The following TGS1 variants were observed in gnomAD, a reference collection of about 807,000 sequenced individuals.
The protein encoded by TGS1 is trimethylguanosine synthase 1.
Under a neutral mutation model 92.2 loss-of-function variants are expected in TGS1, and 69 were observed. The observed-to-expected ratio is 0.75, with a 90% CI of 0.62 to 0.91. The LOEUF is 0.91. Ranked by LOEUF, TGS1 falls within the 40% of genes least tolerant of loss-of-function variation. The probability of loss-of-function intolerance (pLI) is 0.00; values close to 1 mark genes in which losing one functional copy is unlikely to be tolerated. For synonymous variants in TGS1, 345 were observed against 338.1 expected, an observed-to-expected ratio of 1.02 and a Z score of -0.22; for missense variants, 1,062 against 1,001.2, an observed-to-expected ratio of 1.06 and a Z score of -0.82.
At chr8:55,810,840 T>A (rs1255012928) in intron 10 of TGS1, 41 bp from the exon 11 acceptor site, 3 of 1,459,626 alleles carry the variant, frequency 2.1e-6, no homozygotes, top group Admixed American at 1.7e-5. Flanking sequence ...TAAGTAATAA[T>A]CAGTGTCAAT....
At chr8:55,816,884 A>G (rs533040556) in intron 12 of TGS1, among the ~76,000 whole-genome samples, 154 of 150,758 alleles carry the variant, frequency 1.0e-3, no homozygotes, top group Middle Eastern at 3.4e-3. Flanking sequence ...TTTTTGAGAC[A>G]GAGTCTTGCT....
intron 12 of TGS1, among the ~76,000 whole-genome samples, chr8:55,814,375 TTC>T (rs972557810): frequency 6.6e-6 from 1 of 152,096 alleles, no homozygotes; most frequent in African/African-American, 2.4e-5. Flanking sequence ...AGAGTTGAGA[TTC>T]TCTGGGTTAA....
chr8:55,802,557 GAGGTAC>G lies in TGS1; in HGVS notation c.1954_1959del (p.Tyr652_Arg653del). 6.2e-7 allele frequency: 1 copy of G among 1,614,162 alleles called. No individual in the cohort carries two copies. Among genetic ancestry groups the G allele is most frequent in the Non-Finnish European group, 8.5e-7 (1 of 1,180,026 alleles). ...CTGAGCTGGCAAAATACTGGGCCCA[GAGGTAC>G]AGGCTCTTCTCCCGTTTTGATGATG... On this transcript the variant is annotated inframe_deletion, in exon 9 of 13. Coordinates refer to ENST00000260129, the MANE Select transcript of TGS1 (RefSeq NM_024831.8).
intron 4 of TGS1, among the ~76,000 whole-genome samples, chr8:55,789,798 CT>C (rs1314523369): frequency 6.6e-6 from 1 of 152,182 alleles, no homozygotes; most frequent in Non-Finnish European, 1.5e-5. Flanking sequence ...TACAGCCCAG[CT>C]TTTGCCTTAC....
chr8:55,784,746 A>G (rs1811660360), intron 2 of TGS1, among the ~76,000 whole-genome samples: 1 of 152,210 alleles, frequency 6.6e-6, no homozygotes, highest in Non-Finnish European at 1.5e-5. Flanking sequence ...GCTCTTGTTA[A>G]TACCTCCTAA....
chr8:55,790,140 A>G (rs1233037008), intron 4 of TGS1, 42 bp from the exon 5 acceptor site: 1 of 1,506,552 alleles, frequency 6.6e-7, no homozygotes, highest in Non-Finnish European at 9.2e-7. Flanking sequence ...AAAGTTGTCA[A>G]ACCAAGGGGG....
At chr8:55,820,798 C>A (rs575423686) in intron 12 of TGS1, among the ~76,000 whole-genome samples, 1 of 152,218 alleles carries the variant, frequency 6.6e-6, no homozygotes, top group South Asian at 2.1e-4. Context: ...GGAAAGTAAT[C>A]CAGAGCTGCT....
intron 6 of TGS1, 47 bp from the exon 7 acceptor site, chr8:55,795,931 T>C (rs754965414): frequency 4.2e-6 from 6 of 1,419,704 alleles, no homozygotes; most frequent in East Asian, 2.3e-5. Context: ...TAAGGAAATA[T>C]AATCCTAGAA....
At chr8:55,796,997 A>AG (rs1448115902) in intron 7 of TGS1, among the ~76,000 whole-genome samples, 1 of 152,118 alleles carries the variant, frequency 6.6e-6, no homozygotes, top group African/African-American at 2.4e-5. Context: ...TCAAAAAAAA[A>AG]ACACAACCTT....
At chr8:55,815,664 A>G (rs930474985) in intron 12 of TGS1, among the ~76,000 whole-genome samples, 1 of 152,180 alleles carries the variant, frequency 6.6e-6, no homozygotes, top group African/African-American at 2.4e-5. Context: ...CATGGATTCA[A>G]TACAAATACA....
At chr8:55,778,901 G>A (rs1811476123) in intron 1 of TGS1, among the ~76,000 whole-genome samples, 1 of 152,176 alleles carries the variant, frequency 6.6e-6, no homozygotes, top group Non-Finnish European at 1.5e-5. Flanking sequence ...AGATGACTTA[G>A]GCATCATAGT....
chr8:55,802,467 AAAG>A lies in TGS1; in HGVS notation c.1869_1871del (p.Lys623del), dbSNP rs751309178. ...TGTATTTTATTTTAGCTGAAGTGAAAAAGAAGAAGAACAAGAAGAAGAACAAAA... is the reference window on the plus strand; with the variant it reads ...TGTATTTTATTTTAGCTGAAGTGAAAAAGAAGAACAAGAAGAAGAACAAAA... On this transcript the variant is annotated inframe_deletion, in exon 9 of 13. Coordinates refer to ENST00000260129, the MANE Select transcript of TGS1 (RefSeq NM_024831.8). 133 of 1,613,444 alleles carry A rather than the reference AAAG, an allele frequency of 8.2e-5. No individual in the cohort carries two copies. Among genetic ancestry groups the A allele is most frequent in the Middle Eastern group, 1.7e-4 (1 of 6,060 alleles).
chr8:55,816,864 A>AT (rs879734465), intron 12 of TGS1, among the ~76,000 whole-genome samples: 487 of 147,368 alleles, frequency 3.3e-3, no homozygotes, highest in Middle Eastern at 0.017. Flanking sequence ...TATTTTATTT[A>AT]TTTTTTTTTT....
At chr8:55,813,903 A>C (rs1803401427) in intron 12 of TGS1, among the ~76,000 whole-genome samples, 2 of 152,048 alleles carry the variant, frequency 1.3e-5, no homozygotes, top group African/African-American at 2.4e-5. Flanking sequence ...CCTGTGCTTT[A>C]GAGTTTTATA....
At chr8:55,794,600 A>G (rs938266170) in intron 6 of TGS1, among the ~76,000 whole-genome samples, 1 of 152,216 alleles carries the variant, frequency 6.6e-6, no homozygotes, top group Middle Eastern at 3.2e-3. Context: ...GAAAATAAAA[A>G]AATAAAATGA....
intron 2 of TGS1, among the ~76,000 whole-genome samples, chr8:55,784,861 A>G (rs1047864880): frequency 3.3e-5 from 5 of 152,234 alleles, no homozygotes; most frequent in South Asian, 2.1e-4. Context: ...CCAGGGTTAC[A>G]TGGCCTGTTC....
chr8:55,820,725 G>T (rs1468186695), intron 12 of TGS1, among the ~76,000 whole-genome samples: 2 of 152,116 alleles, frequency 1.3e-5, no homozygotes, highest in African/African-American at 4.8e-5. Flanking sequence ...TCTAGTTCTG[G>T]TCCAAATTAA....
At chr8:55,778,863 C>T (rs192806579) in intron 1 of TGS1, among the ~76,000 whole-genome samples, 6 of 152,152 alleles carry the variant, frequency 3.9e-5, no homozygotes, top group Non-Finnish European at 5.9e-5. Context: ...TTATTTCAGC[C>T]GCCCGAGTGT....
Position 55,786,320 on chromosome 8 carries a change from C to T in TGS1, c.422C>T (p.Ser141Phe), listed in dbSNP as rs150487458. ...KKYLDEIVQE[S>F]WRKEYEEDDI... is the part of the protein sequence containing the mutation. Reference sequence around the variant, plus strand: ...TACTTAGATGAAATTGTGCAAGAATCTTGGAGAAAAGAATATGAAGAAGAC... The same window carrying T: ...TACTTAGATGAAATTGTGCAAGAATTTTGGAGAAAAGAATATGAAGAAGAC... The change falls in exon 4 of 13, where the codon TCT becomes TTT. Residue 141 changes from serine to phenylalanine, a missense_variant. Transcript: ENST00000260129. 1 of 1,601,460 alleles carries T rather than the reference C, an allele frequency of 6.2e-7. No individual in the cohort carries two copies. Among genetic ancestry groups the T allele is most frequent in the Non-Finnish European group, 8.5e-7 (1 of 1,172,832 alleles).
Sources: gnomAD v4.1 joint callset for allele counts (sites outside exome capture counted in the v4.1 genomes callset) on GRCh38, gnomAD v4.1.1 for gene constraint, MANE v1.5 for transcripts, NCBI Gene and HGNC (gene_info 2026-07-23, HGNC 2026-07-21) for gene names.